ZNF157: variants seen among roughly 807,000 people sequenced by gnomAD.
The protein encoded by ZNF157 is zinc finger protein 22.
In ZNF157, 8 loss-of-function variants were observed where a neutral mutation model predicts 9.4. The observed-to-expected ratio is 0.85, with a 90% CI of 0.50 to 1.53. The LOEUF (loss-of-function observed/expected upper bound fraction) is 1.53, where lower values mean the gene tolerates loss of function less well. Among genes scored for constraint, ZNF157 ranks in the 40% most tolerant of loss-of-function variants. The pLI, the probability that ZNF157 is intolerant of heterozygous loss-of-function variation, is 0.00. For synonymous variants in ZNF157, 120 were observed against 130.8 expected (o/e 0.92, Z 0.56); for missense variants, 316 against 385.2 (o/e 0.82, Z 1.50).
At chrX:47,399,086 G>A (rs2055922909) in intron 1 of ZNF157, among the ~76,000 whole-genome samples, 1 of 112,415 alleles carries the variant, frequency 8.9e-6, no homozygotes. Flanking sequence ...ACAGGTGTGA[G>A]CCACCGTGTC....
intron 1 of ZNF157, among the ~76,000 whole-genome samples, chrX:47,378,241 G>A (rs2055850949): frequency 9.0e-6 from 1 of 110,947 alleles, no homozygotes; most frequent in African/African-American, 3.3e-5. Flanking sequence ...CAGTGCCTGG[G>A]TGGGGGCCAC....
chrX:47,399,758 C>G (rs955963354), intron 1 of ZNF157, among the ~76,000 whole-genome samples: 2 of 111,388 alleles, frequency 1.8e-5, no homozygotes, highest in Non-Finnish European at 3.8e-5. Flanking sequence ...TGGCTCACTG[C>G]AACCTCAGCC....
At chrX:47,379,202 A>G (rs181848532) in intron 1 of ZNF157, among the ~76,000 whole-genome samples, 1 of 108,857 alleles carries the variant, frequency 9.2e-6, no homozygotes, top group East Asian at 2.9e-4. Flanking sequence ...TAGGTTGCCC[A>G]GGCTGGTCTT....
intron 1 of ZNF157, among the ~76,000 whole-genome samples, chrX:47,406,727 A>G (rs1263359203): frequency 2.7e-5 from 3 of 112,312 alleles, no homozygotes; most frequent in Non-Finnish European, 5.6e-5. Context: ...TCTTGCTAAG[A>G]GCTTCTTTGT....
At chrX:47,397,836 C>T (rs2055918471) in intron 1 of ZNF157, among the ~76,000 whole-genome samples, 1 of 110,180 alleles carries the variant, frequency 9.1e-6, no homozygotes, top group African/African-American at 3.3e-5. Context: ...GTCTTAGCTT[C>T]CAGTTCAATG....
chrX:47,387,973 A>C (rs1316726928), intron 1 of ZNF157, among the ~76,000 whole-genome samples: 1 of 109,294 alleles, frequency 9.1e-6, no homozygotes, highest in Non-Finnish European at 1.9e-5. Context: ...CTGATATTTA[A>C]ATTTTTTTAT....
intron 1 of ZNF157, among the ~76,000 whole-genome samples, chrX:47,383,684 G>GA (rs11324804): frequency 0.071 from 2,956 of 41,498 alleles, 163 homozygotes; most frequent in African/African-American, 0.14. Flanking sequence ...CTCTGTCTCA[G>GA]AAAAAAAAAA....
chrX:47,375,697 CTT>C (rs59526891), intron 1 of ZNF157, among the ~76,000 whole-genome samples: 53 of 96,446 alleles, frequency 5.5e-4, no homozygotes, highest in African/African-American at 1.1e-3. Context: ...GTAGTTTTGC[CTT>C]TTTTTTTTTT....
chrX:47,399,062 A>G (rs539781669), intron 1 of ZNF157, among the ~76,000 whole-genome samples: 1 of 111,998 alleles, frequency 8.9e-6, no homozygotes, highest in South Asian at 3.7e-4. Flanking sequence ...TTGGCCTCCC[A>G]AAGTGCTGGG....
intron 1 of ZNF157, among the ~76,000 whole-genome samples, chrX:47,405,148 G>C (rs1330375504): frequency 1.8e-5 from 2 of 111,326 alleles, no homozygotes; most frequent in Non-Finnish European, 3.8e-5. Context: ...AGCACTTTGG[G>C]AAGCTGAGGC....
intron 1 of ZNF157, among the ~76,000 whole-genome samples, chrX:47,374,601 T>A (rs748578910): frequency 9.3e-4 from 100 of 107,956 alleles, no homozygotes; most frequent in African/African-American, 3.1e-3. Context: ...CGTTTCACCA[T>A]GTTGGCCAGA....
chrX:47,402,541 ATT>A (rs200982459), intron 1 of ZNF157, among the ~76,000 whole-genome samples: 3 of 93,074 alleles, frequency 3.2e-5, no homozygotes, highest in African/African-American at 4.0e-5. Context: ...AAATTTTTTA[ATT>A]TTTTTTTTTT....
intron 1 of ZNF157, among the ~76,000 whole-genome samples, chrX:47,399,995 CTTT>C (rs35568461): frequency 8.3e-5 from 6 of 72,631 alleles, no homozygotes; most frequent in Admixed American, 1.8e-4. Flanking sequence ...TTCTCTCTCT[CTTT>C]TTTTTTTTTT....
chrX:47,391,992 C>A (rs2055898950), intron 1 of ZNF157, among the ~76,000 whole-genome samples: 1 of 110,193 alleles, frequency 9.1e-6, no homozygotes, highest in Non-Finnish European at 1.9e-5. Flanking sequence ...CAGGTTCACG[C>A]CATTCTCCTG....
intron 1 of ZNF157, among the ~76,000 whole-genome samples, chrX:47,378,963 C>G (rs769242746): frequency 9.0e-6 from 1 of 111,656 alleles, no homozygotes; most frequent in Non-Finnish European, 1.9e-5. Context: ...ATAATTTTCT[C>G]ATTATAATTT....
At chrX:47,397,697 G>A in intron 1 of ZNF157, among the ~76,000 whole-genome samples, 1 of 111,850 alleles carries the variant, frequency 8.9e-6, no homozygotes, top group African/African-American at 3.2e-5. Context: ...TTACAGGCGT[G>A]AGCCACCGTG....
Position 47,412,901 on chromosome X carries a change from T to C in ZNF157, c.828T>C (p.Cys276=), listed in dbSNP as rs2055970121. The C allele has an allele frequency of 2.5e-6, 3 of 1,211,708 alleles. No individual in the cohort carries two copies. Among genetic ancestry groups the C allele is most frequent in the Non-Finnish European group, 3.4e-6 (3 of 895,412 alleles). ...ACACAGGGGAGAAACCCTATGAATG[T>C]AGTGAATGTGGGAAAACATTTCGTG... The part of the protein sequence containing the change: ...RTHTGEKPYE[C]SECGKTFRVK... The change falls in exon 4 of 4, where the codon TGT becomes TGC. Residue 276 remains cysteine, a synonymous_variant. Coordinates refer to ENST00000377073, the MANE Select transcript of ZNF157 (RefSeq NM_003446.4).
rs776397206 is a variant in ZNF157, at chrX:47,410,715, T to C, written c.235T>C (p.Leu79=). 3 of 1,207,709 alleles carry C rather than the reference T, an allele frequency of 2.5e-6. No individual in the cohort carries two copies. Among genetic ancestry groups the C allele is most frequent in the Admixed American group, 4.4e-5 (2 of 45,473 alleles). Residue 79 remains leucine (L), a synonymous_variant, in exon 3 of 4, where the codon TTG becomes CTG. Coordinates refer to ENST00000377073, the MANE Select transcript of ZNF157 (RefSeq NM_003446.4). The part of the protein sequence containing the change: ...CVAKPEMIFK[L]ERGEELWILE... The stretch of plus-strand genomic sequence containing the variant: ...GGCCAAACCAGAGATGATCTTCAAG[T>C]TGGAGCGAGGAGAAGAGCTGTGGAT...
intron 1 of ZNF157, among the ~76,000 whole-genome samples, chrX:47,376,420 G>A (rs1455160142): frequency 1.8e-5 from 2 of 111,637 alleles, no homozygotes; most frequent in African/African-American, 6.5e-5. Flanking sequence ...TTCGAGACCA[G>A]CCTGGCCAAC....
Sources: gnomAD v4.1 joint callset for allele counts (sites outside exome capture counted in the v4.1 genomes callset) on GRCh38, gnomAD v4.1.1 for gene constraint, MANE v1.5 for transcripts, NCBI Gene and HGNC (gene_info 2026-07-23, HGNC 2026-07-21) for gene names.